TAMM41: variants seen among roughly 807,000 people sequenced by gnomAD.
The protein encoded by TAMM41 is phosphatidate cytidylyltransferase, mitochondrial.
In TAMM41, 36 loss-of-function variants were observed where a neutral mutation model predicts 44.1. The observed-to-expected ratio is 0.82, with a 90% confidence interval of 0.63 to 1.08. The LOEUF (loss-of-function observed/expected upper bound fraction) is 1.08, where lower values mean the gene tolerates loss of function less well. Among genes scored for constraint, TAMM41 ranks in the 50% least tolerant of loss-of-function variants. The pLI is 0.00. For missense variants in TAMM41, 417 were observed against 404.3 expected, an observed-to-expected ratio of 1.03 and a Z score of -0.27; for synonymous variants, 164 against 153.1, an observed-to-expected ratio of 1.07 and a Z score of -0.53.
chr3:11,733,062 G>A, the TAMM41 span, among the ~76,000 whole-genome samples: 21 of 143,794 alleles, frequency 1.5e-4, no homozygotes, highest in African/African-American at 3.6e-4. Flanking sequence ...GCAGTGGTAC[G>A]ATCTTGGCTC....
At chr3:11,786,885 C>T (rs78531427), downstream of TAMM41, among the ~76,000 whole-genome samples, 1,338 of 152,348 alleles carry the variant, frequency 8.8e-3, 17 homozygotes, top group African/African-American at 0.03. Flanking sequence ...TGAGCCACCA[C>T]GCCTGGACAA....
At chr3:11,744,443 C>G in the TAMM41 span, among the ~76,000 whole-genome samples, 1 of 152,044 alleles carries the variant, frequency 6.6e-6, no homozygotes, top group African/African-American at 2.4e-5. Flanking sequence ...CCTGTAATCC[C>G]TGCACTTTGT....
chr3:11,722,778 G>A, the TAMM41 span, among the ~76,000 whole-genome samples: 1 of 152,068 alleles, frequency 6.6e-6, no homozygotes, highest in Non-Finnish European at 1.5e-5. Flanking sequence ...AGTCCAGGCT[G>A]GCCAACATGG....
the TAMM41 span, among the ~76,000 whole-genome samples, chr3:11,753,716 G>A: frequency 2.0e-5 from 3 of 151,840 alleles, no homozygotes; most frequent in Admixed American, 6.6e-5. Flanking sequence ...CAGCCTGGGC[G>A]ACAGAGCAAG....
the TAMM41 span, among the ~76,000 whole-genome samples, chr3:11,743,884 G>A: frequency 2.6e-5 from 4 of 151,950 alleles, no homozygotes; most frequent in Non-Finnish European, 5.9e-5. Flanking sequence ...AGTATCCCCA[G>A]CCTCTGTCAC....
At position 11,846,789 on chromosome 3, in the gene TAMM41, C is replaced by T; in HGVS notation, c.-153G>A. On this transcript the variant is annotated 5_prime_UTR_variant, in exon 1 of 8. It adds an upstream start codon to the 5' untranslated region. Coordinates refer to ENST00000455809, the MANE Select transcript of TAMM41 (RefSeq NM_001284401.2). ...AGTGTGGGGTGGGACTGCAAGCACACGCAAGGATTGGGGCGTTGGGCCACG... is the reference window on the plus strand; with the variant it reads ...AGTGTGGGGTGGGACTGCAAGCACATGCAAGGATTGGGGCGTTGGGCCACG... The T allele has an allele frequency of 4.2e-6, 4 of 944,044 alleles. No individual in the cohort carries two copies. Among genetic ancestry groups the T allele is most frequent in the East Asian group, 2.6e-5 (1 of 38,198 alleles). 58.5% of individuals were successfully genotyped at this position (944,044 alleles called of 1,614,324 possible). A position where few individuals can be genotyped will look rare whatever the true frequency, so the allele number is the denominator to read the frequency against.
chr3:11,731,630 G>T, the TAMM41 span, among the ~76,000 whole-genome samples: 2 of 152,150 alleles, frequency 1.3e-5, no homozygotes, highest in Admixed American at 6.5e-5. Flanking sequence ...TAGTACAGAC[G>T]GGGGAAAAGG....
At chr3:11,770,032 T>A in the TAMM41 span, among the ~76,000 whole-genome samples, 8 of 152,234 alleles carry the variant, frequency 5.3e-5, no homozygotes, top group Admixed American at 5.2e-4. Flanking sequence ...AAGCCTCATT[T>A]GGTCTGCGAT....
At position 11,838,846 on chromosome 3, in the gene TAMM41, C is replaced by T. The variant is rs151023038; in HGVS notation, c.411+376G>A. Among the ~76,000 whole-genome samples the T allele has an allele frequency of 3.4e-3, 524 of 152,008 alleles. 4 individuals are homozygous for T. Among genetic ancestry groups the T allele is most frequent in the African/African-American group, 0.012 (495 of 41,452 alleles). Reference sequence around the variant, plus strand: ...GTCCAGCCTCTTATCACACGGCTGGCTCCCTGGCAACCAGCCCTATCCTGA... The same window carrying T: ...GTCCAGCCTCTTATCACACGGCTGGTTCCCTGGCAACCAGCCCTATCCTGA... On this transcript the variant is annotated intron_variant, in intron 3 of 7. Transcript: ENST00000455809.
At chr3:11,840,954 T>C (rs894105545) in intron 2 of TAMM41, among the ~76,000 whole-genome samples, 16 of 152,112 alleles carry the variant, frequency 1.1e-4, no homozygotes, top group Admixed American at 6.5e-4. Flanking sequence ...ATGCTTTACA[T>C]AGTGAATTTC....
the TAMM41 span, among the ~76,000 whole-genome samples, chr3:11,754,132 C>T: frequency 6.6e-6 from 1 of 152,086 alleles, no homozygotes; most frequent in African/African-American, 2.4e-5. Context: ...TGCTCCTCGG[C>T]TATGGACTCA....
the TAMM41 span, among the ~76,000 whole-genome samples, chr3:11,783,217 C>T: frequency 6.6e-6 from 1 of 152,216 alleles, no homozygotes; most frequent in African/African-American, 2.4e-5. Context: ...CAGTGCTGGG[C>T]TTTCTTGCAT....
chr3:11,844,139 A>G lies in TAMM41; in HGVS notation c.208T>C (p.Trp70Arg). Residue 70 changes from tryptophan (W) to arginine (R), a missense_variant, in exon 2 of 8, where the codon TGG (tryptophan) becomes CGG (arginine). Coordinates refer to ENST00000455809, the MANE Select transcript of TAMM41 (RefSeq NM_001284401.2). ...AWHSKNLKKN[W>R]SHYSFLKVLG... ...ACTTTTAGGAAAGAGTAGTGACTCC[A>G]ATTTTTCTTCAGGTTCTTTGAATGC... 1 of 1,614,184 alleles carries G rather than the reference A, an allele frequency of 6.2e-7. No individual in the cohort carries two copies. The highest frequency in any genetic ancestry group is 1.7e-5 in the Admixed American group (1 of 60,026).
At chr3:11,748,497 C>A in the TAMM41 span, among the ~76,000 whole-genome samples, 1 of 151,850 alleles carries the variant, frequency 6.6e-6, no homozygotes, top group Non-Finnish European at 1.5e-5. Context: ...TCCTACCTCA[C>A]CCTCCCAAGT....
intron 4 of TAMM41, among the ~76,000 whole-genome samples, chr3:11,821,047 A>C (rs2078499828): frequency 6.6e-6 from 1 of 152,198 alleles, no homozygotes; most frequent in African/African-American, 2.4e-5. Context: ...TGAGTCCTTC[A>C]CTGTAAAATG....
At chr3:11,783,039 G>A in the TAMM41 span, among the ~76,000 whole-genome samples, 52 of 152,320 alleles carry the variant, frequency 3.4e-4, no homozygotes, top group East Asian at 6.0e-3. Context: ...TCTGGCCATG[G>A]AGACCCTCAG....
At chr3:11,820,804 G>A (rs2078490239) in intron 4 of TAMM41, among the ~76,000 whole-genome samples, 1 of 152,182 alleles carries the variant, frequency 6.6e-6, no homozygotes, top group Non-Finnish European at 1.5e-5. Context: ...CTCTAGAACT[G>A]CCAGTACAAT....
the TAMM41 span, among the ~76,000 whole-genome samples, chr3:11,724,299 T>C: frequency 4.0e-4 from 61 of 151,770 alleles, no homozygotes; most frequent in African/African-American, 1.4e-3. Context: ...GATGGGGTTT[T>C]ACCATGTTAC....
the TAMM41 span, among the ~76,000 whole-genome samples, chr3:11,772,613 T>A: frequency 6.6e-6 from 1 of 152,184 alleles, no homozygotes; most frequent in South Asian, 2.1e-4. Flanking sequence ...GGACAGTATA[T>A]CTGTGCGATT....
Sources: gnomAD v4.1 joint callset for allele counts (sites outside exome capture counted in the v4.1 genomes callset) on GRCh38, gnomAD v4.1.1 for gene constraint, MANE v1.5 for transcripts, NCBI Gene and HGNC (gene_info 2026-07-23, HGNC 2026-07-21) for gene names.